Variants in ADCK1 observed in about 807,000 individuals in gnomAD.
The protein encoded by ADCK1 is aarF domain-containing protein kinase 1.
ADCK1 carries 41 observed loss-of-function variants against 52.3 expected under a neutral mutation model. The ratio of observed to expected loss-of-function variants is 0.78; its 90% CI spans 0.61 to 1.02. ADCK1 has a LOEUF of 1.02. Ranked by LOEUF, ADCK1 falls within the 50% of genes least tolerant of loss-of-function variation. ADCK1 has a pLI of 0.00. For synonymous variants in ADCK1, 250 were observed against 274.6 expected (o/e 0.91, Z 0.89); for missense variants, 658 against 679.5 (o/e 0.97, Z 0.35).
At chr14:77,808,163 A>G (rs1464169260) in intron 1 of ADCK1, among the ~76,000 whole-genome samples, 1 of 152,190 alleles carries the variant, frequency 6.6e-6, no homozygotes, top group Non-Finnish European at 1.5e-5. Context: ...GGAGAGAGAG[A>G]TCAAGAGAGG....
intron 3 of ADCK1, among the ~76,000 whole-genome samples, chr14:77,829,508 G>A (rs988638710): frequency 1.3e-5 from 2 of 151,184 alleles, no homozygotes; most frequent in African/African-American, 4.8e-5. Flanking sequence ...TGTTGCCCAA[G>A]CTGGTCTTGA....
chr14:77,828,668 C>T (rs2081772542), intron 3 of ADCK1, among the ~76,000 whole-genome samples: 1 of 152,066 alleles, frequency 6.6e-6, no homozygotes, highest in Non-Finnish European at 1.5e-5. Context: ...CCTGGGATTA[C>T]AGGTGCCCAC....
chr14:77,814,480 A>T lies in ADCK1; in HGVS notation c.-11-4488A>T, dbSNP rs1397235970. On this transcript the variant is annotated intron_variant, in intron 1 of 10. Transcript: ENST00000238561. The stretch of plus-strand genomic sequence containing the variant: ...TCTGAGCATGGTAGCTCACATCTGT[A>T]ATCTCAGCACTTTGGGAGGCCAAGG... Among the ~76,000 whole-genome samples, 3 of 151,640 alleles carry T rather than the reference A, an allele frequency of 2.0e-5. No individual in the cohort carries two copies. In the East Asian group the frequency reaches 5.8e-4, roughly 29 times the overall value.
chr14:77,922,961 C>T (rs2084097891), intron 7 of ADCK1, among the ~76,000 whole-genome samples: 1 of 152,184 alleles, frequency 6.6e-6, no homozygotes, highest in African/African-American at 2.4e-5. Flanking sequence ...ATGAGGGTCT[C>T]ACGTTGAACG....
chr14:77,889,829 C>G (rs61990741), intron 5 of ADCK1, among the ~76,000 whole-genome samples: 17,348 of 139,940 alleles, frequency 0.12, 1,261 homozygotes, highest in African/African-American at 0.21. Flanking sequence ...AGTAAAGATA[C>G]TTTTGATAGA....
intron 6 of ADCK1, among the ~76,000 whole-genome samples, chr14:77,903,516 C>G (rs186928311): frequency 4.6e-5 from 7 of 152,302 alleles, no homozygotes; most frequent in Admixed American, 4.6e-4. Context: ...GGTGAGGGGG[C>G]AGCTAGGCTG....
intron 1 of ADCK1, among the ~76,000 whole-genome samples, chr14:77,805,325 G>A (rs1379186412): frequency 8.4e-6 from 1 of 119,308 alleles, no homozygotes; most frequent in East Asian, 2.9e-4. Flanking sequence ...GTAGTGGCAC[G>A]ATCTTGGCTC....
intron 1 of ADCK1, among the ~76,000 whole-genome samples, chr14:77,814,380 C>T (rs1007201300): frequency 2.0e-5 from 3 of 149,098 alleles, no homozygotes; most frequent in African/African-American, 7.4e-5. Context: ...CACCTGACCC[C>T]TTTTTTTTTC....
intron 10 of ADCK1, among the ~76,000 whole-genome samples, chr14:77,932,728 C>T (rs896404029): frequency 6.6e-6 from 1 of 152,214 alleles, no homozygotes; most frequent in Non-Finnish European, 1.5e-5. Context: ...AATAGGTCAT[C>T]ATCATAAACA....
At chr14:77,931,489 C>A (rs763445381) in intron 9 of ADCK1, 29 bp from the exon 10 acceptor site, 115 of 1,603,128 alleles carry the variant, frequency 7.2e-5, no homozygotes, top group Non-Finnish European at 9.7e-5. Flanking sequence ...TACCAACCAT[C>A]TGTTTCTGTT....
In ADCK1 at chr14:77,894,247, G is replaced by A. The variant is rs757315075; in HGVS notation, c.583-4853G>A. 1.3e-5 allele frequency among the ~76,000 whole-genome samples: 2 copies of A among 152,114 alleles called. 1 individual carries two copies. The highest frequency in any genetic ancestry group is 2.9e-5 in the Non-Finnish European group (2 of 68,020). ...ACTTATCAGAACAAAGATAAACCCC[G>A]TGAATGGCAAGCTATGTACATCACT... On this transcript the variant is annotated intron_variant, in intron 5 of 10. Transcript: ENST00000238561.
At chr14:77,874,734 A>G (rs1176150102) in intron 4 of ADCK1, among the ~76,000 whole-genome samples, 3 of 152,196 alleles carry the variant, frequency 2.0e-5, no homozygotes, top group Non-Finnish European at 2.9e-5. Flanking sequence ...GAGGGTGAAC[A>G]AGCTACCATC....
intron 4 of ADCK1, among the ~76,000 whole-genome samples, chr14:77,877,364 G>A (rs1464085506): frequency 6.6e-6 from 1 of 152,268 alleles, no homozygotes; most frequent in East Asian, 1.9e-4. Context: ...GCTGCTGTAA[G>A]TGAAGAATGC....
intron 3 of ADCK1, among the ~76,000 whole-genome samples, chr14:77,850,730 A>G (rs1162278004): frequency 1.3e-5 from 2 of 149,896 alleles, no homozygotes; most frequent in Admixed American, 6.7e-5. Flanking sequence ...TGCTCACTGC[A>G]AACTCCACCT....
chr14:77,825,141 C>T (rs750191989), intron 3 of ADCK1, among the ~76,000 whole-genome samples: 7 of 152,132 alleles, frequency 4.6e-5, no homozygotes, highest in African/African-American at 9.7e-5. Flanking sequence ...TTGCCACAGA[C>T]GATAGTTGGT....
chr14:77,830,999 C>A (rs1235299679), intron 3 of ADCK1, among the ~76,000 whole-genome samples: 2 of 152,142 alleles, frequency 1.3e-5, no homozygotes, highest in Non-Finnish European at 2.9e-5. Flanking sequence ...AGGTGGTGAT[C>A]AAAATTCATC....
intron 3 of ADCK1, among the ~76,000 whole-genome samples, chr14:77,844,519 C>T (rs565117703): frequency 2.6e-4 from 39 of 152,312 alleles, no homozygotes; most frequent in African/African-American, 8.2e-4. Context: ...GCTCTCCCCC[C>T]TGTTGGACTC....
chr14:77,919,703 A>G (rs2084005508), intron 7 of ADCK1, among the ~76,000 whole-genome samples: 2 of 152,248 alleles, frequency 1.3e-5, no homozygotes, highest in Admixed American at 1.3e-4. Flanking sequence ...TCCCACCAGC[A>G]GTGTAAAAGT....
In ADCK1 at chr14:77,806,629, G is replaced by A. The variant is rs147896357; in HGVS notation, c.-12+6459G>A. 4.6e-5 allele frequency among the ~76,000 whole-genome samples: 7 copies of A among 152,236 alleles called. No homozygotes were observed. In the East Asian group the frequency reaches 1.2e-3, roughly 25 times the overall value. ...AGCCTAATGCCTGTGTCTGACTTGT[G>A]CCTAGGTGTCTCTCCCACAGTAAAC... On this transcript the variant is annotated intron_variant, in intron 1 of 10. Transcript: ENST00000238561.
Sources: gnomAD v4.1 joint callset for allele counts (sites outside exome capture counted in the v4.1 genomes callset) on GRCh38, gnomAD v4.1.1 for gene constraint, MANE v1.5 for transcripts, NCBI Gene and HGNC (gene_info 2026-07-23, HGNC 2026-07-21) for gene names.